Variants in UBTD2 observed in about 807,000 individuals in gnomAD.
UBTD2 encodes ubiquitin domain-containing protein 2.
Under a neutral mutation model 19.8 loss-of-function variants are expected in UBTD2, and 9 were observed. That is an observed-to-expected ratio of 0.46 (90% CI 0.27 to 0.79). The LOEUF is 0.79. Ranked by LOEUF, UBTD2 falls within the 30% of genes least tolerant of loss-of-function variation. The probability of loss-of-function intolerance (pLI) is 0.14; values close to 1 mark genes in which losing one functional copy is unlikely to be tolerated. For missense variants in UBTD2, 250 were observed against 300.4 expected (o/e 0.83, Z 1.24); for synonymous variants, 98 against 103.9 (o/e 0.94, Z 0.35).
chr5:172,218,766 C>T (rs1164258691), intron 2 of UBTD2, among the ~76,000 whole-genome samples: 1 of 135,324 alleles, frequency 7.4e-6, no homozygotes, highest in Admixed American at 7.8e-5. Context: ...AAGAGTCAGA[C>T]CCTGTCACCA....
chr5:172,219,860 T>C (rs1287110103), intron 2 of UBTD2, among the ~76,000 whole-genome samples: 2 of 152,190 alleles, frequency 1.3e-5, no homozygotes, highest in African/African-American at 2.4e-5. Flanking sequence ...AAGAAAAGAA[T>C]TGTGTTCCAA....
intron 1 of UBTD2, chr5:172,254,812 T>C (rs1187060874): frequency 1.8e-6 from 1 of 553,636 alleles, no homozygotes; most frequent in African/African-American, 1.9e-5. Flanking sequence ...TCCCAGGTTC[T>C]ATTTTAATTT....
At chr5:172,264,957 T>C (rs527392702) in intron 1 of UBTD2, among the ~76,000 whole-genome samples, 1 of 152,324 alleles carries the variant, frequency 6.6e-6, no homozygotes, top group South Asian at 2.1e-4. Context: ...TTCCTATTCA[T>C]ACAGTACTCA....
intron 2 of UBTD2, among the ~76,000 whole-genome samples, chr5:172,231,426 AT>A (rs1771895017): frequency 6.6e-6 from 1 of 152,194 alleles, no homozygotes; most frequent in African/African-American, 2.4e-5. Context: ...TAATTCTTGA[AT>A]TTCTGAGAGT....
chr5:172,261,993 T>C (rs541193542), intron 1 of UBTD2, among the ~76,000 whole-genome samples: 1 of 152,272 alleles, frequency 6.6e-6, no homozygotes, highest in Admixed American at 6.5e-5. Context: ...GTGGAGAGAA[T>C]ACTGAACTAG....
At chr5:172,237,121 G>C (rs543073902) in intron 1 of UBTD2, among the ~76,000 whole-genome samples, 2 of 152,214 alleles carry the variant, frequency 1.3e-5, no homozygotes, top group African/African-American at 4.8e-5. Flanking sequence ...TTGAGACAGA[G>C]TCTTGCTCTG....
intron 1 of UBTD2, among the ~76,000 whole-genome samples, chr5:172,259,226 T>C (rs184297480): frequency 1.6e-3 from 245 of 152,232 alleles, no homozygotes; most frequent in African/African-American, 5.6e-3. Flanking sequence ...GACTGCAACC[T>C]CTGCCTCCTG....
intron 2 of UBTD2, among the ~76,000 whole-genome samples, chr5:172,230,696 A>G (rs1394528450): frequency 6.6e-6 from 1 of 152,198 alleles, no homozygotes; most frequent in African/African-American, 2.4e-5. Flanking sequence ...AGTCTATGTA[A>G]TAATTTAAAC....
intron 1 of UBTD2, among the ~76,000 whole-genome samples, chr5:172,268,024 T>C (rs1203968580): frequency 6.6e-6 from 1 of 152,228 alleles, no homozygotes; most frequent in Non-Finnish European, 1.5e-5. Context: ...TTATTTTCTC[T>C]CCAATGCCAT....
intron 2 of UBTD2, among the ~76,000 whole-genome samples, chr5:172,215,686 A>T (rs1771527298): frequency 6.6e-6 from 1 of 152,218 alleles, no homozygotes; most frequent in East Asian, 1.9e-4. Flanking sequence ...GCTCTAATGG[A>T]TGAAGCAGAC....
At chr5:172,221,686 T>C (rs1292753644) in intron 2 of UBTD2, among the ~76,000 whole-genome samples, 1 of 152,148 alleles carries the variant, frequency 6.6e-6, no homozygotes, top group Non-Finnish European at 1.5e-5. Flanking sequence ...ATGGTTGCCA[T>C]GGGGTTAGGA....
chr5:172,239,526 T>C lies in UBTD2; in HGVS notation c.71-5168A>G, dbSNP rs1015721597. ...ACCTCTGCCTCCCAGGTTCATGTGA[T>C]TCTCCTGCCTCAGCCTCCCGAGTAG... On this transcript the variant is annotated intron_variant, in intron 1 of 2. Coordinates refer to ENST00000393792, the MANE Select transcript of UBTD2 (RefSeq NM_152277.3). Among the ~76,000 whole-genome samples, 8 of 152,098 alleles carry C rather than the reference T, an allele frequency of 5.3e-5. No homozygotes were observed. In the Middle Eastern group the frequency reaches 0.01, roughly 194 times the overall value.
intron 1 of UBTD2, among the ~76,000 whole-genome samples, chr5:172,250,876 G>A (rs926438026): frequency 1.5e-5 from 2 of 134,720 alleles, no homozygotes; most frequent in African/African-American, 2.8e-5. Flanking sequence ...CGAGGCTGCA[G>A]TGAGCTGTGA....
At chr5:172,218,780 AAAAAAAAAAT>A (rs374001851) in intron 2 of UBTD2, among the ~76,000 whole-genome samples, 15 of 68,876 alleles carry the variant, frequency 2.2e-4, no homozygotes, top group African/African-American at 5.9e-4. Context: ...GTCACCAAAA[AAAAAAAAAAT>A]AAAAAAATAA....
chr5:172,280,671 A>G (rs918190265), intron 1 of UBTD2, among the ~76,000 whole-genome samples: 2 of 152,210 alleles, frequency 1.3e-5, no homozygotes, highest in Non-Finnish European at 2.9e-5. Context: ...ATATAAAAAT[A>G]AAAGTTTTTT....
chr5:172,227,943 T>C (rs1467210700), intron 2 of UBTD2, among the ~76,000 whole-genome samples: 2 of 152,104 alleles, frequency 1.3e-5, no homozygotes, highest in East Asian at 3.9e-4. Flanking sequence ...CCTCCCAAAG[T>C]GCTGTGATTA....
At chr5:172,240,686 C>T (rs537744917) in intron 1 of UBTD2, among the ~76,000 whole-genome samples, 8 of 152,070 alleles carry the variant, frequency 5.3e-5, no homozygotes, top group Middle Eastern at 3.2e-3. Context: ...CTTAATGGGT[C>T]AGTCTTATTA....
intron 1 of UBTD2, among the ~76,000 whole-genome samples, chr5:172,249,957 C>A (rs1449225265): frequency 6.6e-6 from 1 of 152,126 alleles, no homozygotes; most frequent in Non-Finnish European, 1.5e-5. Flanking sequence ...TGAAGAGACA[C>A]TGAAAGGTTT....
intron 2 of UBTD2, among the ~76,000 whole-genome samples, chr5:172,233,521 T>C (rs1057270165): frequency 2.0e-5 from 3 of 152,194 alleles, no homozygotes; most frequent in Non-Finnish European, 4.4e-5. Context: ...CTTACAGTTA[T>C]CCTTAAAAGA....
Sources: gnomAD v4.1 joint callset for allele counts (sites outside exome capture counted in the v4.1 genomes callset) on GRCh38, gnomAD v4.1.1 for gene constraint, MANE v1.5 for transcripts, NCBI Gene and HGNC (gene_info 2026-07-23, HGNC 2026-07-21) for gene names.